Variants in GRHL2 observed in about 807,000 individuals in gnomAD.
The protein encoded by GRHL2 is grainyhead-like protein 2 homolog.
A neutral mutation model predicts 83.8 loss-of-function variants in GRHL2; 21 were observed. The ratio of observed to expected loss-of-function variants is 0.25; its 90% confidence interval spans 0.18 to 0.36. The LOEUF (loss-of-function observed/expected upper bound fraction) is 0.36. Among genes scored for constraint, GRHL2 ranks in the 10% least tolerant of loss-of-function variants. GRHL2 has a pLI of 1.00. For synonymous variants in GRHL2, 280 were observed against 278.9 expected, an observed-to-expected ratio of 1.00 and a Z score of -0.04; for missense variants, 623 against 781.8, an observed-to-expected ratio of 0.80 and a Z score of 2.42.
At chr8:101,515,962 G>A (rs991565690) in intron 1 of GRHL2, among the ~76,000 whole-genome samples, 1 of 152,188 alleles carries the variant, frequency 6.6e-6, no homozygotes. Flanking sequence ...ATGAGAAAAT[G>A]GGAGCGCAGG....
At position 101,492,623 on chromosome 8, in the gene GRHL2, A is replaced by C; in HGVS notation, c.-147A>C. The C allele has an allele frequency of 1.3e-6, 1 of 765,208 alleles. No homozygotes were observed. The highest frequency in any genetic ancestry group is 1.4e-5 in the South Asian group (1 of 69,970). 47.4% of individuals were successfully genotyped at this position (765,208 alleles called of 1,614,324 possible). A position where few individuals can be genotyped will look rare whatever the true frequency, so the allele number is the denominator to read the frequency against. ...AGCGGGCGAGCGAGCGAGAGTGGTG[A>C]GGGGGGACGGAAAAGCAGAATTACC... On this transcript the variant is annotated 5_prime_UTR_variant, in exon 1 of 16. Transcript: ENST00000646743.
chr8:101,505,754 AT>A (rs1317979512), intron 1 of GRHL2, among the ~76,000 whole-genome samples: 5 of 152,124 alleles, frequency 3.3e-5, no homozygotes, highest in Non-Finnish European at 5.9e-5. Context: ...ACAAATTTGC[AT>A]TTCGATTTTG....
chr8:101,594,953 A>G (rs1586129050), intron 7 of GRHL2, among the ~76,000 whole-genome samples: 2 of 152,250 alleles, frequency 1.3e-5, no homozygotes, highest in African/African-American at 2.4e-5. Context: ...TATACAAGGT[A>G]ATGGAACCAC....
chr8:101,493,374 G>T (rs1307627752), intron 1 of GRHL2, among the ~76,000 whole-genome samples: 1 of 152,168 alleles, frequency 6.6e-6, no homozygotes, highest in Admixed American at 6.5e-5. Context: ...GGAGGCCGGG[G>T]GGCGCGGGGG....
At chr8:101,648,564 C>T (rs1369016559) in intron 13 of GRHL2, among the ~76,000 whole-genome samples, 3 of 152,086 alleles carry the variant, frequency 2.0e-5, no homozygotes, top group East Asian at 1.9e-4. Flanking sequence ...ATCCATGTTT[C>T]GCAGAGAAGA....
At position 101,636,860 on chromosome 8, in the gene GRHL2, C is replaced by A. The variant is rs1406133456; in HGVS notation, c.1486-37C>A. On this transcript the variant is annotated intron_variant, in intron 11 of 15. Coordinates refer to ENST00000646743, the MANE Select transcript of GRHL2 (RefSeq NM_024915.4). ...ACGTAATATTTTTTCCATTTCTTGT[C>A]TCTGACCTACAGTAAGCCTATTGTT... 1.9e-6 allele frequency: 3 copies of A among 1,601,714 alleles called. No homozygotes were observed. The South Asian group carries it at 3.3e-5, about 18-fold the overall frequency.
At chr8:101,630,472 G>A (rs145561356) in intron 9 of GRHL2, among the ~76,000 whole-genome samples, 571 of 152,100 alleles carry the variant, frequency 3.8e-3, no homozygotes, top group East Asian at 0.018. Flanking sequence ...AAGTATTTTC[G>A]CCAACTTGTC....
At chr8:101,615,076 C>G (rs1414535956) in intron 8 of GRHL2, among the ~76,000 whole-genome samples, 2 of 152,220 alleles carry the variant, frequency 1.3e-5, no homozygotes, top group Non-Finnish European at 2.9e-5. Flanking sequence ...CTAAGGACCT[C>G]TCTCTATTGA....
Position 101,577,516 on chromosome 8 carries a change from A to T in GRHL2, c.1000A>T (p.Ile334Phe). 1 of 1,606,562 alleles carries T rather than the reference A, an allele frequency of 6.2e-7. No homozygotes were observed. Among genetic ancestry groups the T allele is most frequent in the Non-Finnish European group, 8.5e-7 (1 of 1,173,270 alleles). ...TACGGCGAAGCAGAGGGTCCTTGACATTGGTAAGTTGACCTTGACTTCCCT... is the reference window on the plus strand; with the variant it reads ...TACGGCGAAGCAGAGGGTCCTTGACTTTGGTAAGTTGACCTTGACTTCCCT... ...QHTAKQRVLDIADYKESFNTI... is the reference protein window; with the variant it reads ...QHTAKQRVLDFADYKESFNTI... Residue 334 changes from isoleucine (I) to phenylalanine (F), a missense_variant, in exon 7 of 16, where the codon ATT becomes TTT. By Grantham distance (21) the Ile-to-Phe change is conservative (BLOSUM62 0). This residue lies in a region of GRHL2 where 96 missense variants were observed against 144.8 expected (regional missense o/e 0.66). Transcript: ENST00000646743.
intron 1 of GRHL2, among the ~76,000 whole-genome samples, chr8:101,501,702 C>A (rs984667779): frequency 6.6e-6 from 1 of 151,794 alleles, no homozygotes; most frequent in Non-Finnish European, 1.5e-5. Flanking sequence ...TAGAAAGAGC[C>A]TTAGGGATCA....
chr8:101,539,408 A>G (rs1811106955), intron 1 of GRHL2, among the ~76,000 whole-genome samples: 1 of 151,978 alleles, frequency 6.6e-6, no homozygotes, highest in Non-Finnish European at 1.5e-5. Context: ...CCTCTGTTTT[A>G]CTCTCCAAGT....
chr8:101,609,784 G>A (rs898120897), intron 8 of GRHL2, among the ~76,000 whole-genome samples: 3 of 150,960 alleles, frequency 2.0e-5, no homozygotes, highest in African/African-American at 7.4e-5. Context: ...CATGTTTCTA[G>A]AAGGATACTC....
rs1036879531 is a variant in GRHL2 at position 101,568,242 on chromosome 8, C to T, written c.679-2097C>T. 2.0e-5 allele frequency among the ~76,000 whole-genome samples: 3 copies of T among 152,358 alleles called. No homozygotes were observed. The East Asian group carries it at 5.8e-4, about 29-fold the overall frequency. The stretch of plus-strand genomic sequence containing the variant: ...AATAGCACATGGAGCTAGGGGCTAT[C>T]ATATTGGGCAGCAGGACCTACATTT... On this transcript the variant is annotated intron_variant, in intron 4 of 15. Transcript: ENST00000646743.
chr8:101,625,872 C>T (rs993870399), intron 9 of GRHL2, among the ~76,000 whole-genome samples: 2 of 151,928 alleles, frequency 1.3e-5, no homozygotes, highest in Non-Finnish European at 2.9e-5. Flanking sequence ...AGTTACACAT[C>T]CTGATATTAA....
At chr8:101,528,065 T>G (rs1000302220) in intron 1 of GRHL2, among the ~76,000 whole-genome samples, 9 of 152,208 alleles carry the variant, frequency 5.9e-5, no homozygotes, top group African/African-American at 2.2e-4. Context: ...ACTCAAGTTT[T>G]TTTTCAGCTG....
Position 101,666,613 on chromosome 8 carries a change from C to T in GRHL2, c.1788C>T (p.Asn596=). The change falls in exon 16 of 16, where the codon AAC becomes AAT. Residue 596 remains asparagine (N), a synonymous_variant. Coordinates refer to ENST00000646743, the MANE Select transcript of GRHL2 (RefSeq NM_024915.4). ...KKGILVNMDD[N]IIEHYSNEDT... ...GCATCTTGGTGAACATGGATGACAA[C>T]ATCATCGAGCACTACTCGAACGAGG... The T allele has an allele frequency of 6.2e-7, 1 of 1,611,450 alleles. No individual in the cohort carries two copies. The highest frequency in any genetic ancestry group is 8.5e-7 in the Non-Finnish European group (1 of 1,177,590).
rs146309323 is a variant in GRHL2 at position 101,607,682 on chromosome 8, C to T, written c.1098+8531C>T. Among the ~76,000 whole-genome samples, 38 of 152,248 alleles carry T rather than the reference C, an allele frequency of 2.5e-4. No homozygotes were observed. In the East Asian group the frequency reaches 6.9e-3, roughly 28 times the overall value. On this transcript the variant is annotated intron_variant, in intron 8 of 15. Transcript: ENST00000646743. The stretch of plus-strand genomic sequence containing the variant: ...GGAGGGGTCTTGAAAGATTGAATTG[C>T]ACACTGCAAAGCAGGGCAAATGGCA...
At chr8:101,522,507 G>A (rs1810705641) in intron 1 of GRHL2, among the ~76,000 whole-genome samples, 1 of 152,062 alleles carries the variant, frequency 6.6e-6, no homozygotes, top group Admixed American at 6.6e-5. Flanking sequence ...CCAGCAATTT[G>A]TCCTTGAATT....
intron 2 of GRHL2, among the ~76,000 whole-genome samples, chr8:101,548,343 G>A (rs1033456911): frequency 2.0e-5 from 3 of 152,190 alleles, no homozygotes; most frequent in Non-Finnish European, 4.4e-5. Flanking sequence ...CTATAACCAT[G>A]GTTTATGGAG....
Sources: gnomAD v4.1 joint callset for allele counts (sites outside exome capture counted in the v4.1 genomes callset) on GRCh38, gnomAD v4.1.1 for gene constraint, gnomAD v4.1.1 regional missense constraint, MANE v1.5 for transcripts, NCBI Gene and HGNC (gene_info 2026-07-23, HGNC 2026-07-21) for gene names.